TRPM1: variants seen among roughly 807,000 people sequenced by gnomAD.
TRPM1 encodes the protein transient receptor potential cation channel subfamily M member 1.
Under a neutral mutation model 149.4 loss-of-function variants are expected in TRPM1, and 113 were observed. That is an observed-to-expected ratio of 0.76 (90% CI 0.65 to 0.88). TRPM1 has a LOEUF of 0.88. Among genes scored for constraint, TRPM1 ranks in the 40% least tolerant of loss-of-function variants. TRPM1 has a pLI of 0.00. For missense variants in TRPM1, 1,976 were observed against 2,038.7 expected (o/e 0.97, Z 0.59); for synonymous variants, 741 against 759.5 (o/e 0.98, Z 0.40).
At chr15:31,138,401 G>A (rs1465316963) in intron 1 of TRPM1, among the ~76,000 whole-genome samples, 3 of 151,958 alleles carry the variant, frequency 2.0e-5, no homozygotes, top group East Asian at 1.9e-4. Context: ...CCACTCTTAC[G>A]GGACAACCTC....
At chr15:31,131,139 G>A (rs1596091693) in intron 1 of TRPM1, among the ~76,000 whole-genome samples, 3 of 152,218 alleles carry the variant, frequency 2.0e-5, no homozygotes, top group Non-Finnish European at 4.4e-5. Flanking sequence ...ACTCTGCCCT[G>A]TCTTGGGCAT....
At chr15:31,126,091 C>T (rs547312897) in intron 1 of TRPM1, among the ~76,000 whole-genome samples, 290 of 152,182 alleles carry the variant, frequency 1.9e-3, no homozygotes, top group African/African-American at 6.6e-3. Flanking sequence ...AAGATCACAC[C>T]GCTGCACTCC....
chr15:31,067,786 T>C, intron 5 of TRPM1, 93 bp downstream of exon 5: 2 of 1,242,070 alleles, frequency 1.6e-6, no homozygotes, highest in Non-Finnish European at 2.4e-6. Flanking sequence ...TGCAATATGT[T>C]TTGTTGTCCT....
intron 1 of TRPM1, among the ~76,000 whole-genome samples, chr15:31,140,102 C>T (rs2036139911): frequency 1.3e-5 from 2 of 151,628 alleles, no homozygotes; most frequent in African/African-American, 2.4e-5. Context: ...CACGGTGGCT[C>T]ATGCCTGTAA....
intron 11 of TRPM1, among the ~76,000 whole-genome samples, chr15:31,054,426 C>T (rs904932077): frequency 6.6e-5 from 10 of 152,104 alleles, no homozygotes; most frequent in African/African-American, 2.4e-4. Flanking sequence ...TCCTAAGTAG[C>T]TGGGATTACA....
intron 3 of TRPM1, among the ~76,000 whole-genome samples, chr15:31,072,024 G>T (rs199797176): frequency 6.8e-4 from 46 of 68,134 alleles, no homozygotes; most frequent in Non-Finnish European, 8.6e-4. Context: ...TATATAGAGA[G>T]AGAGAGAGAG....
chr15:31,035,065 C>T (rs1312573650), intron 21 of TRPM1, among the ~76,000 whole-genome samples: 3 of 152,178 alleles, frequency 2.0e-5, no homozygotes, highest in African/African-American at 7.2e-5. Flanking sequence ...AGTGCAGTGG[C>T]GCGATCTCGG....
At chr15:31,116,602 G>GAAATAAATAAAT (rs56343838) in intron 1 of TRPM1, among the ~76,000 whole-genome samples, 13,080 of 143,590 alleles carry the variant, frequency 0.091, 693 homozygotes, top group East Asian at 0.18. Flanking sequence ...AACTCCATCT[G>GAAATAAATAAAT]AAATAAATAA....
chr15:31,157,258 T>A (rs2036390053), intron 1 of TRPM1, among the ~76,000 whole-genome samples: 1 of 152,214 alleles, frequency 6.6e-6, no homozygotes, highest in South Asian at 2.1e-4. Context: ...GGTTTATCCA[T>A]GTTGATACAG....
chr15:31,063,026 G>T, intron 8 of TRPM1, 92 bp downstream of exon 8: 1 of 1,519,336 alleles, frequency 6.6e-7, no homozygotes. Flanking sequence ...AAACACGTTT[G>T]GAATGTCTAA....
chr15:31,072,249 G>A (rs2034579858), intron 3 of TRPM1, among the ~76,000 whole-genome samples: 1 of 151,786 alleles, frequency 6.6e-6, no homozygotes, highest in African/African-American at 2.4e-5. Context: ...GGATTTCCAT[G>A]TTCTAGACAC....
rs2031766434 is a variant in TRPM1 at position 31,001,673 on chromosome 15, CTT to C, written c.*147_*148del. ...ACTAACATATGCTAACAAAATACTACTTTTAGTGCATTAAATTGTAAATCAAG... is the reference window on the plus strand; with the variant it reads ...ACTAACATATGCTAACAAAATACTACTTAGTGCATTAAATTGTAAATCAAG... On this transcript the variant is annotated 3_prime_UTR_variant, in exon 28 of 28. Coordinates refer to ENST00000256552, the MANE Select transcript of TRPM1 (RefSeq NM_001252024.2). 1.3e-6 allele frequency: 1 copy of C among 770,308 alleles called. No homozygotes were observed. Among genetic ancestry groups the C allele is most frequent in the East Asian group, 2.7e-5 (1 of 37,470 alleles). The allele number at this position is 770,308 out of a possible 1,614,324, so 47.7% of individuals were successfully genotyped here.
intron 3 of TRPM1, among the ~76,000 whole-genome samples, chr15:31,071,994 TATATATATATATATATATATATATAG>T (rs1447099078): frequency 1.2e-4 from 8 of 66,802 alleles, no homozygotes; most frequent in African/African-American, 4.3e-4. Flanking sequence ...TATATATATA[TATATATATATATATATATATATATAG>T]AGAGAGAGAG....
At chr15:31,142,432 T>G (rs186557202) in intron 1 of TRPM1, among the ~76,000 whole-genome samples, 1 of 152,206 alleles carries the variant, frequency 6.6e-6, no homozygotes, top group Non-Finnish European at 1.5e-5. Context: ...TTGTAGGTAA[T>G]TGGCCTAGAA....
chr15:31,057,067 A>G (rs1315983543), intron 11 of TRPM1, among the ~76,000 whole-genome samples: 1 of 152,236 alleles, frequency 6.6e-6, no homozygotes, highest in Non-Finnish European at 1.5e-5. Flanking sequence ...GAGTGCAACG[A>G]AGGGATGTCT....
intron 27 of TRPM1, among the ~76,000 whole-genome samples, chr15:31,020,939 C>T (rs1295057124): frequency 1.3e-5 from 2 of 152,048 alleles, no homozygotes; most frequent in Non-Finnish European, 2.9e-5. Flanking sequence ...TAGGCAAGAA[C>T]GAAGCCACAC....
At chr15:31,048,544 AT>A (rs1310659207) in intron 13 of TRPM1, among the ~76,000 whole-genome samples, 1 of 151,996 alleles carries the variant, frequency 6.6e-6, no homozygotes, top group Non-Finnish European at 1.5e-5. Context: ...AAATTAGTAT[AT>A]TTGAGCCTAT....
In TRPM1 at chr15:31,045,565, G is replaced by A. The variant is rs2033739204; in HGVS notation, c.1794+639C>T. 2.0e-5 allele frequency among the ~76,000 whole-genome samples: 3 copies of A among 152,292 alleles called. No individual in the cohort carries two copies. In the South Asian group the frequency reaches 6.2e-4, roughly 32 times the overall value. ...AATAGGTAAGAATTATAAAACAGTA[G>A]ATGACGCCAATGATATTGGGCATGC... On this transcript the variant is annotated intron_variant, in intron 16 of 27. Coordinates refer to ENST00000256552, the MANE Select transcript of TRPM1 (RefSeq NM_001252024.2).
chr15:31,125,599 G>A (rs945459231), intron 1 of TRPM1, among the ~76,000 whole-genome samples: 5 of 147,868 alleles, frequency 3.4e-5, no homozygotes, highest in African/African-American at 1.2e-4. Context: ...GCGTAGTGGC[G>A]GGCGCCTGTA....
Sources: allele counts gnomAD v4.1 joint callset (sites outside exome capture counted in the v4.1 genomes callset), GRCh38; gene constraint gnomAD v4.1.1; transcripts MANE v1.5; gene names NCBI Gene and HGNC (gene_info 2026-07-23, HGNC 2026-07-21).